Variants in ANO3 observed in about 807,000 individuals in gnomAD.
ANO3 encodes the protein anoctamin-3.
Under a neutral mutation model 144.8 loss-of-function variants are expected in ANO3, and 99 were observed. That is an observed-to-expected ratio of 0.68 (90% CI 0.58 to 0.81). The LOEUF (loss-of-function observed/expected upper bound fraction) is 0.81, where lower values mean the gene tolerates loss of function less well. Among genes scored for constraint, ANO3 ranks in the 30% least tolerant of loss-of-function variants. The pLI is 0.00. For missense variants in ANO3, 905 were observed against 1,202.2 expected (o/e 0.75, Z 3.66); for synonymous variants, 414 against 392.6 (o/e 1.05, Z -0.64).
In ANO3 at chr11:26,563,391, C is replaced by CTGTG. The variant is rs1324484561; in HGVS notation, c.1447+3613_1447+3614insGTGT. On this transcript the variant is annotated intron_variant, in intron 14 of 26. Coordinates refer to ENST00000256737, the MANE Select transcript of ANO3 (RefSeq NM_031418.4). ...TAAAATTAGATAATGGTGTGTTTCT[C>CTGTG]TCTCTGTGTGTGTGTGTGTGTGTGT... 14 of 840,834 alleles carry CTGTG rather than the reference C, an allele frequency of 1.7e-5. No individual in the cohort carries two copies. In the African/African-American group the frequency reaches 2.9e-4, roughly 18 times the overall value. The allele number at this position is 840,834 out of a possible 1,614,324, so 52.1% of individuals were successfully genotyped here.
chr11:26,424,318 A>C (rs1394345551), intron 1 of ANO3, among the ~76,000 whole-genome samples: 1 of 151,010 alleles, frequency 6.6e-6, no homozygotes, highest in African/African-American at 2.5e-5. Context: ...TTTTCACTTA[A>C]CATGTCACTT....
rs557210322 is a variant in ANO3 at position 26,532,593 on chromosome 11, T to A, written c.869+1257T>A. On this transcript the variant is annotated intron_variant, in intron 8 of 26. Transcript: ENST00000256737. Reference sequence around the variant, plus strand: ...CAGCACTATCACCCCATCTTCTGCATTTTTTTTCACCTTTTACTCACTCCA... The same window carrying A: ...CAGCACTATCACCCCATCTTCTGCAATTTTTTTCACCTTTTACTCACTCCA... Among the ~76,000 whole-genome samples the A allele has an allele frequency of 8.5e-5, 13 of 152,136 alleles. No homozygotes were observed. The South Asian group carries it at 2.7e-3, about 32-fold the overall frequency.
chr11:26,441,106 G>GGTT (rs1325936058), intron 1 of ANO3, among the ~76,000 whole-genome samples: 5 of 86,552 alleles, frequency 5.8e-5, no homozygotes, highest in African/African-American at 2.5e-4. Flanking sequence ...TTGCTGCCCA[G>GGTT]TTTTTTTTTT....
At chr11:26,284,121 C>G (rs529655621) in intron 1 of ANO3, among the ~76,000 whole-genome samples, 3 of 152,074 alleles carry the variant, frequency 2.0e-5, no homozygotes, top group Non-Finnish European at 4.4e-5. Flanking sequence ...GCTCTAAGTG[C>G]AGTGGGAAGC....
At chr11:26,279,857 A>G (rs1002856040) in intron 1 of ANO3, among the ~76,000 whole-genome samples, 13 of 152,188 alleles carry the variant, frequency 8.5e-5, no homozygotes, top group African/African-American at 3.1e-4. Context: ...ATAGGATGGG[A>G]GTAGAATAAG....
chr11:26,450,501 G>A (rs893766148), intron 3 of ANO3, among the ~76,000 whole-genome samples: 3 of 152,192 alleles, frequency 2.0e-5, no homozygotes, highest in Non-Finnish European at 2.9e-5. Flanking sequence ...AGCAAGCCAT[G>A]TATGGACCAT....
intron 14 of ANO3, among the ~76,000 whole-genome samples, chr11:26,587,407 G>C (rs1000257429): frequency 6.6e-6 from 1 of 152,156 alleles, no homozygotes; most frequent in Non-Finnish European, 1.5e-5. Flanking sequence ...TGCTTCATCT[G>C]TTTGCTTAGA....
Position 26,350,073 on chromosome 11 carries a change from G to A in ANO3, c.46+17752G>A, listed in dbSNP as rs571443541. Among the ~76,000 whole-genome samples, 9 of 151,470 alleles carry A rather than the reference G, an allele frequency of 5.9e-5. 1 individual carries two copies. In the South Asian group the frequency reaches 1.3e-3, roughly 22 times the overall value. Reference sequence around the variant, plus strand: ...CAGGAACGGAAGGGGGAGGAGACAGGAACGGAAGGGGGAGAAGAAAGAAAC... The same window carrying A: ...CAGGAACGGAAGGGGGAGGAGACAGAAACGGAAGGGGGAGAAGAAAGAAAC... On this transcript the variant is annotated intron_variant, in intron 1 of 26. Coordinates refer to ENST00000256737, the MANE Select transcript of ANO3 (RefSeq NM_031418.4).
chr11:26,391,153 C>T (rs1856868311), intron 1 of ANO3, among the ~76,000 whole-genome samples: 2 of 151,882 alleles, frequency 1.3e-5, no homozygotes, highest in Admixed American at 1.3e-4. Context: ...CTAGGAAGTC[C>T]AAGGTCAAGA....
In ANO3 at chr11:26,447,875, TA is replaced by T. The variant is rs201057873; in HGVS notation, c.313+4040del. On this transcript the variant is annotated intron_variant, in intron 3 of 26. Transcript: ENST00000256737. ...TCTTTATTAATCTTGGAAGCCCCAC[TA>T]CCATTGCCTACGTTTTTTTCTTCTC... Among the ~76,000 whole-genome samples the T allele has an allele frequency of 7.0e-3, 1,067 of 152,342 alleles. 6 individuals are homozygous for T. Among genetic ancestry groups the T allele is most frequent in the African/African-American group, 0.024 (987 of 41,574 alleles).
At chr11:26,569,949 G>T (rs1850753915) in intron 14 of ANO3, among the ~76,000 whole-genome samples, 1 of 151,918 alleles carries the variant, frequency 6.6e-6, no homozygotes, top group Non-Finnish European at 1.5e-5. Context: ...GCCTCTTTTT[G>T]CATCTGGGTG....
chr11:26,211,836 A>G (rs1183032670), intron 1 of ANO3, among the ~76,000 whole-genome samples: 1 of 152,216 alleles, frequency 6.6e-6, no homozygotes, highest in Non-Finnish European at 1.5e-5. Flanking sequence ...TATAGACTGG[A>G]TAAAGAAAAT....
intron 7 of ANO3, among the ~76,000 whole-genome samples, chr11:26,525,913 T>C (rs1249136913): frequency 6.6e-6 from 1 of 151,966 alleles, no homozygotes; most frequent in African/African-American, 2.4e-5. Context: ...TATAATGTTA[T>C]GGAAGGAGGA....
chr11:26,490,887 T>A (rs1280836880), intron 4 of ANO3, among the ~76,000 whole-genome samples: 3 of 152,224 alleles, frequency 2.0e-5, no homozygotes, highest in Non-Finnish European at 4.4e-5. Flanking sequence ...TGAACAGCGT[T>A]TTAATTGGCC....
intron 14 of ANO3, among the ~76,000 whole-genome samples, chr11:26,575,519 A>G (rs1460770765): frequency 2.0e-5 from 3 of 152,112 alleles, no homozygotes; most frequent in African/African-American, 7.2e-5. Context: ...TTTTAAAGGT[A>G]TATTTTTAAA....
chr11:26,538,702 T>C (rs1004186710), intron 10 of ANO3, among the ~76,000 whole-genome samples: 1 of 152,216 alleles, frequency 6.6e-6, no homozygotes, highest in Non-Finnish European at 1.5e-5. Flanking sequence ...GGACTTATTA[T>C]AAATAAGTTA....
intron 1 of ANO3, among the ~76,000 whole-genome samples, chr11:26,369,488 G>C (rs912291135): frequency 6.6e-6 from 1 of 151,908 alleles, no homozygotes; most frequent in Non-Finnish European, 1.5e-5. Context: ...GAGGCTAAGA[G>C]GTATTATATA....
chr11:26,266,820 A>T (rs1469271120), intron 1 of ANO3, among the ~76,000 whole-genome samples: 1 of 151,292 alleles, frequency 6.6e-6, no homozygotes, highest in Non-Finnish European at 1.5e-5. Context: ...GGTGGCTCAC[A>T]TCTGTAATCC....
At chr11:26,312,068 C>G (rs962239996) in intron 1 of ANO3, among the ~76,000 whole-genome samples, 3 of 152,158 alleles carry the variant, frequency 2.0e-5, no homozygotes, top group Non-Finnish European at 4.4e-5. Flanking sequence ...TCTCACAATT[C>G]CCACCTATGA....
Sources: gnomAD v4.1 joint callset for allele counts (sites outside exome capture counted in the v4.1 genomes callset) on GRCh38, gnomAD v4.1.1 for gene constraint, MANE v1.5 for transcripts, NCBI Gene and HGNC (gene_info 2026-07-23, HGNC 2026-07-21) for gene names.